Variants in CADPS observed in about 807,000 individuals in gnomAD.
CADPS encodes the protein calcium-dependent secretion activator 1.
Under a neutral mutation model 167.3 loss-of-function variants are expected in CADPS, and 57 were observed. The observed-to-expected ratio is 0.34, with a 90% CI of 0.28 to 0.42. The LOEUF (loss-of-function observed/expected upper bound fraction) is 0.42. Ranked by LOEUF, CADPS falls within the 20% of genes least tolerant of loss-of-function variation. The probability of loss-of-function intolerance (pLI) is 1.00; values close to 1 mark genes in which losing one functional copy is unlikely to be tolerated. For missense variants in CADPS, 1,414 were observed against 1,738.1 expected (o/e 0.81, Z 3.32); for synonymous variants, 676 against 635.3 (o/e 1.06, Z -0.96).
chr3:62,536,475 A>G lies in CADPS; in HGVS notation c.2073T>C (p.Asp691=), dbSNP rs771968635. The G allele has an allele frequency of 1.9e-6, 3 of 1,613,394 alleles. No individual in the cohort carries two copies. In the Admixed American group the frequency reaches 5.0e-5, roughly 27 times the overall value. The change falls in exon 12 of 30, where the codon GAT becomes GAC. Residue 691 remains aspartate (D), a synonymous_variant. Transcript: ENST00000383710. ...LFEMVQRLTL[D]HRLNDSYSCL... ...AAGAATAGGAATCATTAAGTCTGTG[A>G]TCCAAAGTAAGGCGTTGTACCATCT...
At chr3:62,708,072 C>A (rs1306090436) in intron 3 of CADPS, among the ~76,000 whole-genome samples, 1 of 151,966 alleles carries the variant, frequency 6.6e-6, no homozygotes, top group Non-Finnish European at 1.5e-5. Context: ...ACCATAGGCA[C>A]TAACACCATG....
intron 1 of CADPS, among the ~76,000 whole-genome samples, chr3:62,864,133 A>G (rs1271301554): frequency 6.6e-6 from 1 of 152,218 alleles, no homozygotes; most frequent in Non-Finnish European, 1.5e-5. Flanking sequence ...CTAGCAGAAG[A>G]AGGTAATGAG....
chr3:62,565,246 G>T (rs1274187532), intron 9 of CADPS, among the ~76,000 whole-genome samples: 1 of 152,204 alleles, frequency 6.6e-6, no homozygotes, highest in African/African-American at 2.4e-5. Context: ...TTTGCAGCCA[G>T]CCAAGTTTAT....
intron 6 of CADPS, among the ~76,000 whole-genome samples, chr3:62,643,324 G>A (rs1471263443): frequency 6.6e-6 from 1 of 152,176 alleles, no homozygotes; most frequent in Non-Finnish European, 1.5e-5. Context: ...ACTTCAGGTA[G>A]CTACCACTGA....
chr3:62,799,294 G>A (rs1469671328), intron 1 of CADPS, among the ~76,000 whole-genome samples: 8 of 152,078 alleles, frequency 5.3e-5, no homozygotes, highest in East Asian at 3.9e-4. Flanking sequence ...TTTTGTAGCC[G>A]AGGGTGCCTC....
intron 3 of CADPS, among the ~76,000 whole-genome samples, chr3:62,698,206 T>C (rs7638051): frequency 0.062 from 9,410 of 152,198 alleles, 341 homozygotes; most frequent in East Asian, 0.11. Flanking sequence ...ACTTAGCATA[T>C]TGCCTCATGC....
rs762645750 is a variant in CADPS at position 62,597,733 on chromosome 3, A to G, written c.1326-4985T>C. Among the ~76,000 whole-genome samples, 64 of 152,078 alleles carry G rather than the reference A, an allele frequency of 4.2e-4. 2 individuals carry two copies. Among genetic ancestry groups the G allele is most frequent in the Non-Finnish European group, 4.1e-4 (28 of 68,028 alleles). Reference sequence around the variant, plus strand: ...AGGCTGCCCTGACAACCCCCATCCTATTGGACACAGAGTTTCTTTTCCCTT... The same window carrying G: ...AGGCTGCCCTGACAACCCCCATCCTGTTGGACACAGAGTTTCTTTTCCCTT... On this transcript the variant is annotated intron_variant, in intron 6 of 29. Coordinates refer to ENST00000383710, the MANE Select transcript of CADPS (RefSeq NM_003716.4).
chr3:62,478,611 GCTCAGCCAAT>G lies in CADPS; in HGVS notation c.3174-205_3174-196del, dbSNP rs2061603859. The stretch of plus-strand genomic sequence containing the variant: ...TACCATACATGACTTAGTGTGCTTT[GCTCAGCCAAT>G]TACCCCAGACCAGTGAGAAGTCTGG... On this transcript the variant is annotated intron_variant, in intron 22 of 29. Coordinates refer to ENST00000383710, the MANE Select transcript of CADPS (RefSeq NM_003716.4). The surrounding 1 kb of genome is among the most constrained non-coding windows in gnomAD (Gnocchi z 5.7). 6.6e-6 allele frequency among the ~76,000 whole-genome samples: 1 copy of G among 152,130 alleles called. No individual in the cohort carries two copies. The highest frequency in any genetic ancestry group is 6.5e-5 in the Admixed American group (1 of 15,274).
chr3:62,479,826 T>C (rs2061760156), intron 22 of CADPS, among the ~76,000 whole-genome samples: 3 of 152,216 alleles, frequency 2.0e-5, no homozygotes, highest in South Asian at 2.1e-4. Context: ...GCCGTGAGCA[T>C]TGTTCAAAAG....
intron 4 of CADPS, among the ~76,000 whole-genome samples, chr3:62,653,846 T>A (rs1381178628): frequency 6.6e-6 from 1 of 152,074 alleles, no homozygotes; most frequent in African/African-American, 2.4e-5. Context: ...AACGTCACAG[T>A]ACCAGTTCCT....
chr3:62,743,260 C>A (rs1363370925), intron 3 of CADPS, among the ~76,000 whole-genome samples: 1 of 152,118 alleles, frequency 6.6e-6, no homozygotes, highest in Non-Finnish European at 1.5e-5. Context: ...TAGGGGTTAA[C>A]AAACTGCAGC....
chr3:62,549,237 C>T (rs2076952326), intron 11 of CADPS, among the ~76,000 whole-genome samples: 1 of 152,130 alleles, frequency 6.6e-6, no homozygotes, highest in African/African-American at 2.4e-5. Context: ...CATGTACTGG[C>T]TTTCACCTCA....
At chr3:62,762,841 C>T (rs1234220820) in intron 2 of CADPS, among the ~76,000 whole-genome samples, 1 of 152,046 alleles carries the variant, frequency 6.6e-6, no homozygotes, top group Non-Finnish European at 1.5e-5. Flanking sequence ...ATATCTAAAA[C>T]TGACTTTTTA....
At chr3:62,712,538 T>C (rs1324055824) in intron 3 of CADPS, among the ~76,000 whole-genome samples, 1 of 152,220 alleles carries the variant, frequency 6.6e-6, no homozygotes, top group Non-Finnish European at 1.5e-5. Context: ...TATAGATGCG[T>C]TTCTTAAATG....
intron 8 of CADPS, among the ~76,000 whole-genome samples, chr3:62,583,849 C>T (rs2083989396): frequency 6.6e-6 from 1 of 152,052 alleles, no homozygotes; most frequent in South Asian, 2.1e-4. Flanking sequence ...CTGCATGCTG[C>T]TGTGGTCTGC....
At chr3:62,491,791 T>G (rs2063785681) in intron 20 of CADPS, among the ~76,000 whole-genome samples, 1 of 152,112 alleles carries the variant, frequency 6.6e-6, no homozygotes, top group Admixed American at 6.5e-5. Flanking sequence ...CTGTTTTTCT[T>G]GCACCCACTT....
rs76250069 is a variant in CADPS at position 62,872,630 on chromosome 3, A to G, written c.441+1959T>C. On this transcript the variant is annotated intron_variant, in intron 1 of 29. Coordinates refer to ENST00000383710, the MANE Select transcript of CADPS (RefSeq NM_003716.4). ...CAAAACCACAGCTTTGAGTGGATTC[A>G]GGTAAAGCATACAATCAGATCAGAA... 7.1e-3 allele frequency among the ~76,000 whole-genome samples: 1,075 copies of G among 152,292 alleles called. 15 individuals are homozygous for G. The highest frequency in any genetic ancestry group is 0.025 in the African/African-American group (1,041 of 41,572).
At position 62,493,625 on chromosome 3, in the gene CADPS, C is replaced by T. The variant is rs144329243; in HGVS notation, c.2727+20G>A. On this transcript the variant is annotated intron_variant, in intron 19 of 29. Transcript: ENST00000383710. The stretch of plus-strand genomic sequence containing the variant: ...ATAGGGGTCCACCTCTCTTCTTTCA[C>T]GAGATTTCACTTTACTTACTTCTCC... 1.2e-3 allele frequency: 1,806 copies of T among 1,551,156 alleles called. 43 individuals are homozygous for T. The Admixed American group carries it at 0.031, about 26-fold the overall frequency.
Position 62,822,918 on chromosome 3 carries a change from C to T in CADPS, c.441+51671G>A, listed in dbSNP as rs191567929. On this transcript the variant is annotated intron_variant, in intron 1 of 29. Transcript: ENST00000383710. ...GTCTTGGCTGATCGGACATTTCAGG[C>T]AGGGAAATGATGGAAAGAAATTGAG... is the stretch of plus-strand genomic sequence containing the variant. 4.5e-4 allele frequency among the ~76,000 whole-genome samples: 68 copies of T among 151,532 alleles called. No individual in the cohort carries two copies. The East Asian group carries it at 7.7e-3, about 17-fold the overall frequency.
Sources: gnomAD v4.1 joint callset for allele counts (sites outside exome capture counted in the v4.1 genomes callset) on GRCh38, gnomAD v4.1.1 for gene constraint, Gnocchi (gnomAD v3.1) non-coding constraint, MANE v1.5 for transcripts, NCBI Gene and HGNC (gene_info 2026-07-23, HGNC 2026-07-21) for gene names.